Variants in FAM118B observed in about 807,000 individuals in gnomAD.
FAM118B encodes the protein SIR2 antiphage like 1.
Under a neutral mutation model 38.5 loss-of-function variants are expected in FAM118B, and 24 were observed. The observed-to-expected ratio is 0.62, with a 90% CI of 0.45 to 0.88. The LOEUF is 0.88. Ranked by LOEUF, FAM118B falls within the 40% of genes least tolerant of loss-of-function variation. FAM118B has a pLI of 0.00. For missense variants in FAM118B, 334 were observed against 420.0 expected (o/e 0.80, Z 1.79); for synonymous variants, 138 against 156.3 (o/e 0.88, Z 0.87).
At chr11:126,225,220 G>A (rs1950124891) in intron 1 of FAM118B, among the ~76,000 whole-genome samples, 2 of 152,138 alleles carry the variant, frequency 1.3e-5, no homozygotes, top group South Asian at 4.1e-4. Flanking sequence ...TGTTTCTTTC[G>A]AGCTCAGTAC....
Position 126,256,524 on chromosome 11 carries a change from G to T in FAM118B, c.697-43G>T, listed in dbSNP as rs750250198. On this transcript the variant is annotated intron_variant, in intron 6 of 8. Coordinates refer to ENST00000533050, the MANE Select transcript of FAM118B (RefSeq NM_024556.4). The surrounding 1 kb of genome is among the most constrained non-coding windows in gnomAD (Gnocchi z 6.6). ...CCTTCTTGTTTCAGACTTGCCTTGA[G>T]TGTGTCTTCACAATGTCAATATGTT... is the stretch of plus-strand genomic sequence containing the variant. The T allele has an allele frequency of 8.2e-6, 13 of 1,587,172 alleles. No individual in the cohort carries two copies. The highest frequency in any genetic ancestry group is 1.0e-5 in the Non-Finnish European group (12 of 1,162,280).
At chr11:126,248,331 A>AAGTATC (rs1475869260) in intron 4 of FAM118B, among the ~76,000 whole-genome samples, 1 of 143,842 alleles carries the variant, frequency 7.0e-6, no homozygotes, top group Non-Finnish European at 1.5e-5. Flanking sequence ...AAATCTAAAA[A>AAGTATC]AGTATCTGAC....
intron 4 of FAM118B, among the ~76,000 whole-genome samples, chr11:126,248,404 CTT>C (rs1950448648): frequency 1.2e-5 from 1 of 86,696 alleles, no homozygotes; most frequent in African/African-American, 4.8e-5. Context: ...GAGTTTCGCT[CTT>C]GTTGCCCAGG....
chr11:126,243,858 C>T (rs1036159302), intron 4 of FAM118B, among the ~76,000 whole-genome samples: 6 of 150,092 alleles, frequency 4.0e-5, no homozygotes, highest in Non-Finnish European at 7.4e-5. Flanking sequence ...GAGCCAAGAT[C>T]GCACCACTGC....
At chr11:126,223,203 G>T (rs12293354) in intron 1 of FAM118B, among the ~76,000 whole-genome samples, 1 of 152,006 alleles carries the variant, frequency 6.6e-6, no homozygotes, top group Non-Finnish European at 1.5e-5. Context: ...CCGGACACTG[G>T]ATCATGCCAG....
chr11:126,236,674 T>C (rs1950278364), intron 3 of FAM118B, among the ~76,000 whole-genome samples: 1 of 152,170 alleles, frequency 6.6e-6, no homozygotes, highest in Non-Finnish European at 1.5e-5. Flanking sequence ...TACAATGTTT[T>C]TTCTATTCCA....
intron 7 of FAM118B, chr11:126,260,472 C>G (rs1407843594): frequency 4.1e-5 from 6 of 146,982 alleles, no homozygotes; most frequent in Admixed American, 1.3e-4. Context: ...TTCATAACCA[C>G]TATTTTAATT....
At chr11:126,232,660 T>TGAAAAAA (rs1950222358) in intron 2 of FAM118B, among the ~76,000 whole-genome samples, 1 of 151,822 alleles carries the variant, frequency 6.6e-6, no homozygotes, top group African/African-American at 2.4e-5. Flanking sequence ...TAAAAACAAC[T>TGAAAAAA]TAAAAAATAT....
Position 126,254,340 on chromosome 11 carries a change from C to A in FAM118B, c.603C>A (p.Ser201Arg), listed in dbSNP as rs556956779. The change falls in exon 6 of 9, where the codon AGC becomes AGA. Residue 201 changes from serine (S) to arginine (R), a missense_variant. This residue lies in a region of FAM118B where 240 missense variants were observed against 295.9 expected (regional missense o/e 0.81). Transcript: ENST00000533050. ...GGGCTCAGGAGAAGCGTAAGCTGAGCGTGTTGCATATTCACGGAGTCTACA... is the reference window on the plus strand; with the variant it reads ...GGGCTCAGGAGAAGCGTAAGCTGAGAGTGTTGCATATTCACGGAGTCTACA... Reference protein sequence around the residue: ...LEWAQEKRKLSVLHIHGVYTN... With the variant: ...LEWAQEKRKLRVLHIHGVYTN... 1 of 1,613,586 alleles carries A rather than the reference C, an allele frequency of 6.2e-7. No individual in the cohort carries two copies. The highest frequency in any genetic ancestry group is 8.5e-7 in the Non-Finnish European group (1 of 1,179,868).
At position 126,252,676 on chromosome 11, in the gene FAM118B, G is replaced by A. The variant is rs1029388756; in HGVS notation, c.568-1629G>A. Among the ~76,000 whole-genome samples, 1 of 152,070 alleles carries A rather than the reference G, an allele frequency of 6.6e-6. No individual in the cohort carries two copies. The highest frequency in any genetic ancestry group is 2.4e-5 in the African/African-American group (1 of 41,388). ...GACGATCGATTGAGCTGAGGCAGTC[G>A]AGGCTACAGTGAGTTGTGATCACAC... is the stretch of plus-strand genomic sequence containing the variant. On this transcript the variant is annotated intron_variant, in intron 5 of 8. Transcript: ENST00000533050. The surrounding 1 kb of genome is among the most constrained non-coding windows in gnomAD (Gnocchi z 4.7).
chr11:126,213,389 G>A (rs2097572045), intron 1 of FAM118B, among the ~76,000 whole-genome samples: 2 of 152,132 alleles, frequency 1.3e-5, no homozygotes, highest in Admixed American at 6.5e-5. Context: ...AAGGGAGATT[G>A]GGAAACATCT....
rs1377541142 is a variant in FAM118B at position 126,250,984 on chromosome 11, G to A, written c.567+251G>A. On this transcript the variant is annotated intron_variant, in intron 5 of 8. Coordinates refer to ENST00000533050, the MANE Select transcript of FAM118B (RefSeq NM_024556.4). This position sits in a 1 kb window ranked among gnomAD's most constrained non-coding sequence, Gnocchi z 5.1. ...TTCATCCAGTTTTAAAGCAAGATTA[G>A]AGGAAGTCACTTGAACTGTAAGATC... Among the ~76,000 whole-genome samples, 2 of 152,174 alleles carry A rather than the reference G, an allele frequency of 1.3e-5. No individual in the cohort carries two copies. Among genetic ancestry groups the A allele is most frequent in the African/African-American group, 4.8e-5 (2 of 41,442 alleles).
intron 7 of FAM118B, chr11:126,260,539 C>T (rs180705357): frequency 1.1e-3 from 172 of 152,028 alleles, no homozygotes; most frequent in African/African-American, 3.9e-3. Context: ...TGTTAGGCAA[C>T]GTCTGATATT....
chr11:126,258,258 C>T (rs1319653619), intron 7 of FAM118B, among the ~76,000 whole-genome samples: 2 of 151,902 alleles, frequency 1.3e-5, no homozygotes, highest in African/African-American at 4.8e-5. Flanking sequence ...TGTGGTGGCA[C>T]ACACCTGTAG....
Position 126,234,916 on chromosome 11 carries a change from A to T in FAM118B, c.-7-79A>T, listed in dbSNP as rs1950252572. 5.1e-6 allele frequency: 6 copies of T among 1,166,372 alleles called. No individual in the cohort carries two copies. The East Asian group carries it at 1.5e-4, about 29-fold the overall frequency. The allele number at this position is 1,166,372 out of a possible 1,614,324, so 72.3% of individuals were successfully genotyped here. On this transcript the variant is annotated intron_variant, in intron 2 of 8. Coordinates refer to ENST00000533050, the MANE Select transcript of FAM118B (RefSeq NM_024556.4). ...CCTTTAAGGGTATACAGCTTTTTTA[A>T]ACTGTTTAATATATGTGCTATTTTG...
chr11:126,214,503 G>A (rs75810112), intron 1 of FAM118B: 1 of 28,258 alleles, frequency 3.5e-5, no homozygotes, highest in Non-Finnish European at 7.5e-5. Flanking sequence ...TTTTTTTTTT[G>A]TTTTTTTTTT....
intron 1 of FAM118B, among the ~76,000 whole-genome samples, chr11:126,228,541 A>T (rs1189862104): frequency 1.3e-5 from 2 of 150,266 alleles, no homozygotes; most frequent in African/African-American, 4.9e-5. Flanking sequence ...CTTCATTAAG[A>T]CTTGTCAATT....
Position 126,250,361 on chromosome 11 carries a change from G to A in FAM118B, c.340-145G>A, listed in dbSNP as rs1950485233. On this transcript the variant is annotated intron_variant, in intron 4 of 8. Transcript: ENST00000533050. The surrounding 1 kb of genome is among the most constrained non-coding windows in gnomAD (Gnocchi z 5.1). ...CCGCCTCGGTCTCCCAAAGTGCTGG[G>A]ATTACAGGCGTGAGCCACTGCGCCT... The A allele has an allele frequency of 1.7e-6, 1 of 598,462 alleles. No homozygotes were observed. Among genetic ancestry groups the A allele is most frequent in the East Asian group, 2.9e-5 (1 of 34,450 alleles). 37.1% of individuals were successfully genotyped at this position (598,462 alleles called of 1,614,324 possible).
intron 4 of FAM118B, among the ~76,000 whole-genome samples, chr11:126,247,177 A>G (rs1386237213): frequency 1.3e-5 from 2 of 152,134 alleles, no homozygotes; most frequent in Non-Finnish European, 2.9e-5. Flanking sequence ...CTGTAGTCCT[A>G]GCCACTTGGG....
Sources: allele counts gnomAD v4.1 joint callset (sites outside exome capture counted in the v4.1 genomes callset), GRCh38; gene constraint gnomAD v4.1.1; regional missense constraint gnomAD v4.1.1; non-coding constraint Gnocchi (gnomAD v3.1); transcripts MANE v1.5; gene names NCBI Gene and HGNC (gene_info 2026-07-23, HGNC 2026-07-21).